The following NCOA2 variants were observed in gnomAD, a reference collection of about 807,000 sequenced individuals.
The protein encoded by NCOA2 is class E basic helix-loop-helix protein 75.
NCOA2 carries 21 observed loss-of-function variants against 145.1 expected under a neutral mutation model. That is an observed-to-expected ratio of 0.14 (90% CI 0.10 to 0.21). NCOA2 has a LOEUF of 0.21. Among genes scored for constraint, NCOA2 ranks in the 10% least tolerant of loss-of-function variants. The pLI is 1.00. For synonymous variants in NCOA2, 619 were observed against 637.5 expected (o/e 0.97, Z 0.44); for missense variants, 1,472 against 1,837.6 (o/e 0.80, Z 3.64).
the NCOA2 span, among the ~76,000 whole-genome samples, chr8:70,419,021 G>A: frequency 6.6e-6 from 1 of 151,756 alleles, no homozygotes; most frequent in African/African-American, 2.4e-5. Context: ...TGGGTTGTCA[G>A]TGCCAAGCTG....
At chr8:70,131,791 G>A (rs759581466) in intron 16 of NCOA2, 46 bp downstream of exon 16, 19 of 1,550,642 alleles carry the variant, frequency 1.2e-5, no homozygotes, top group East Asian at 1.2e-4. Flanking sequence ...ACACCTCTGC[G>A]CCCATGAGAG....
rs150708783 is a variant in NCOA2, at chr8:70,154,524, C to T, written c.2394+1447G>A. Among the ~76,000 whole-genome samples, 80 of 152,306 alleles carry T rather than the reference C, an allele frequency of 5.3e-4. 1 individual carries two copies. Among genetic ancestry groups the T allele is most frequent in the African/African-American group, 1.9e-3 (78 of 41,560 alleles). Reference sequence around the variant, plus strand: ...AACTCCTGGGCTCAAGCAGCCTCAGCCTCCTGAGTAGCTGAGACTACAGGT... The same window carrying T: ...AACTCCTGGGCTCAAGCAGCCTCAGTCTCCTGAGTAGCTGAGACTACAGGT... On this transcript the variant is annotated intron_variant, in intron 11 of 22. Transcript: ENST00000452400.
At chr8:70,331,775 G>C (rs1807129822) in intron 1 of NCOA2, among the ~76,000 whole-genome samples, 1 of 152,024 alleles carries the variant, frequency 6.6e-6, no homozygotes, top group South Asian at 2.1e-4. Flanking sequence ...TTCAGTGAAG[G>C]AGCAATCAAA....
intron 19 of NCOA2, among the ~76,000 whole-genome samples, chr8:70,126,371 A>T (rs1389132133): frequency 6.6e-6 from 1 of 152,236 alleles, no homozygotes; most frequent in Non-Finnish European, 1.5e-5. Context: ...AGTATTTTTC[A>T]AAAGTCGCAG....
At chr8:70,421,145 A>C in the NCOA2 span, among the ~76,000 whole-genome samples, 1 of 152,178 alleles carries the variant, frequency 6.6e-6, no homozygotes, top group South Asian at 2.1e-4. Context: ...GCAGGCAAAC[A>C]CAGCAAGTGT....
At chr8:70,163,442 T>A in intron 8 of NCOA2, 23 bp downstream of exon 8, 1 of 1,537,636 alleles carries the variant, frequency 6.5e-7, no homozygotes, top group Non-Finnish European at 9.0e-7. Context: ...ATTCCTTTGG[T>A]CTTCTTTGGA....
At chr8:70,144,920 G>A in intron 12 of NCOA2, 72 bp from the exon 13 acceptor site, 1 of 1,345,626 alleles carries the variant, frequency 7.4e-7, no homozygotes, top group Non-Finnish European at 1.1e-6. Flanking sequence ...GTAGTGTTTA[G>A]GGACAATGTC....
At chr8:70,269,215 T>A (rs1824848144) in intron 2 of NCOA2, among the ~76,000 whole-genome samples, 1 of 152,358 alleles carries the variant, frequency 6.6e-6, no homozygotes, top group East Asian at 1.9e-4. Flanking sequence ...GACAATATAA[T>A]TTTTAATAGC....
At chr8:70,407,660 G>A (rs1814803958), upstream of NCOA2, among the ~76,000 whole-genome samples, 1 of 152,044 alleles carries the variant, frequency 6.6e-6, no homozygotes, top group Admixed American at 6.6e-5. Flanking sequence ...AGCTGGGTGT[G>A]GTGGCGCGCT....
intron 22 of NCOA2, among the ~76,000 whole-genome samples, chr8:70,115,907 C>T (rs1191675454): frequency 6.6e-6 from 1 of 152,062 alleles, no homozygotes; most frequent in African/African-American, 2.4e-5. Context: ...GATGACAGGG[C>T]CAGGCGCAGT....
chr8:70,204,082 A>G (rs1010156222), intron 4 of NCOA2, among the ~76,000 whole-genome samples: 3 of 151,908 alleles, frequency 2.0e-5, no homozygotes, highest in Non-Finnish European at 4.4e-5. Flanking sequence ...ATCTTGGCTC[A>G]CCGCAACCTC....
chr8:70,113,556 G>C lies in NCOA2; in HGVS notation c.*76C>G, dbSNP rs1806739921. ...CAGGTCAGTTGGGTTGAAACAAATA[G>C]ACACAGCTCTCCAGACTGGAAGTGT... On this transcript the variant is annotated 3_prime_UTR_variant, in exon 23 of 23. Coordinates refer to ENST00000452400, the MANE Select transcript of NCOA2 (RefSeq NM_006540.4). 4.6e-6 allele frequency: 7 copies of C among 1,506,300 alleles called. No homozygotes were observed. Among genetic ancestry groups the C allele is most frequent in the Non-Finnish European group, 6.3e-6 (7 of 1,106,132 alleles). The allele number at this position is 1,506,300 out of a possible 1,614,324, so 93.3% of individuals were successfully genotyped here.
chr8:70,160,603 A>G (rs1435162371), intron 9 of NCOA2, among the ~76,000 whole-genome samples: 2 of 151,270 alleles, frequency 1.3e-5, no homozygotes, highest in Non-Finnish European at 2.9e-5. Context: ...TTGAATAGTT[A>G]CCCCTAAAGC....
chr8:70,364,523 A>G (rs1345530348), intron 1 of NCOA2, among the ~76,000 whole-genome samples: 1 of 152,198 alleles, frequency 6.6e-6, no homozygotes, highest in Non-Finnish European at 1.5e-5. Context: ...GATGATGCGT[A>G]ATGAAGTCTA....
chr8:70,436,534 A>G, the NCOA2 span, among the ~76,000 whole-genome samples: 1 of 152,186 alleles, frequency 6.6e-6, no homozygotes, highest in African/African-American at 2.4e-5. Flanking sequence ...GGTATGTCAT[A>G]TCTCCTCCAG....
At chr8:70,306,846 T>G (rs1382664783) in intron 1 of NCOA2, among the ~76,000 whole-genome samples, 2 of 152,174 alleles carry the variant, frequency 1.3e-5, no homozygotes, top group South Asian at 4.1e-4. Context: ...GCCATCACAC[T>G]CCAGCCTGGG....
intron 1 of NCOA2, chr8:70,357,330 T>C (rs1018596218): frequency 6.6e-6 from 1 of 151,918 alleles, no homozygotes; most frequent in African/African-American, 2.4e-5. Context: ...TTTTTTACAC[T>C]GAAAACTACA....
chr8:70,404,032 C>T (rs1407062154), upstream of NCOA2, among the ~76,000 whole-genome samples: 5 of 152,156 alleles, frequency 3.3e-5, no homozygotes, highest in Admixed American at 3.3e-4. Flanking sequence ...TTGCCTCTCG[C>T]GCCCCCGAGG....
chr8:70,251,747 T>C (rs1221457587), intron 2 of NCOA2, among the ~76,000 whole-genome samples: 1 of 152,154 alleles, frequency 6.6e-6, no homozygotes, highest in Non-Finnish European at 1.5e-5. Flanking sequence ...CCCAAATAAG[T>C]CTCTGACAGT....
Sources: gnomAD v4.1 joint callset for allele counts (sites outside exome capture counted in the v4.1 genomes callset) on GRCh38, gnomAD v4.1.1 for gene constraint, MANE v1.5 for transcripts, NCBI Gene and HGNC (gene_info 2026-07-23, HGNC 2026-07-21) for gene names.